RHBDD1: variants seen among roughly 807,000 people sequenced by gnomAD.
The protein encoded by RHBDD1 is rhomboid-related protein 4.
A neutral mutation model predicts 36.3 loss-of-function variants in RHBDD1; 38 were observed. The ratio of observed to expected loss-of-function variants is 1.05; its 90% CI spans 0.81 to 1.37. The LOEUF (loss-of-function observed/expected upper bound fraction) is 1.37, where lower values mean the gene tolerates loss of function less well. RHBDD1 is among the 40% of genes most tolerant of loss of function. RHBDD1 has a pLI of 0.00. For missense variants in RHBDD1, 393 were observed against 377.6 expected, an observed-to-expected ratio of 1.04 and a Z score of -0.34; for synonymous variants, 151 against 136.5, an observed-to-expected ratio of 1.11 and a Z score of -0.74.
At chr2:226,966,634 A>G (rs1490578476) in intron 8 of RHBDD1, among the ~76,000 whole-genome samples, 1 of 152,228 alleles carries the variant, frequency 6.6e-6, no homozygotes, top group Admixed American at 6.5e-5. Context: ...TAATTCATAT[A>G]AATTTAAATA....
intron 5 of RHBDD1, among the ~76,000 whole-genome samples, chr2:226,872,929 A>G (rs190993856): frequency 1.3e-5 from 2 of 152,114 alleles, no homozygotes; most frequent in East Asian, 1.9e-4. Context: ...CATATACTGC[A>G]TTATCATATA....
intron 5 of RHBDD1, among the ~76,000 whole-genome samples, chr2:226,890,838 G>T (rs930191509): frequency 1.3e-5 from 2 of 151,786 alleles, no homozygotes; most frequent in African/African-American, 4.8e-5. Context: ...TTTTTAAAAA[G>T]TAAAAAACCC....
intron 8 of RHBDD1, among the ~76,000 whole-genome samples, chr2:226,992,782 C>T (rs939576904): frequency 1.3e-5 from 2 of 152,144 alleles, no homozygotes; most frequent in Admixed American, 6.5e-5. Flanking sequence ...TGAACACTTG[C>T]GGTGTGAGAA....
At chr2:226,817,990 G>T in the RHBDD1 span, among the ~76,000 whole-genome samples, 1 of 152,042 alleles carries the variant, frequency 6.6e-6, no homozygotes, top group Non-Finnish European at 1.5e-5. Context: ...CATTGTTAAG[G>T]TTATACAAAG....
At chr2:226,902,798 C>T (rs1054969130) in intron 5 of RHBDD1, among the ~76,000 whole-genome samples, 1 of 152,124 alleles carries the variant, frequency 6.6e-6, no homozygotes, top group East Asian at 1.9e-4. Flanking sequence ...TGCCAGCCTC[C>T]CTTCCCTAGA....
chr2:226,866,240 T>G (rs1559210654), intron 4 of RHBDD1, among the ~76,000 whole-genome samples: 1 of 151,978 alleles, frequency 6.6e-6, no homozygotes, highest in Non-Finnish European at 1.5e-5. Flanking sequence ...CCCAGCTAAT[T>G]TTTGTATTTT....
intron 5 of RHBDD1, among the ~76,000 whole-genome samples, chr2:226,904,493 G>A (rs982411493): frequency 1.3e-5 from 2 of 151,536 alleles, no homozygotes; most frequent in African/African-American, 2.4e-5. Context: ...GGGGATGATC[G>A]TGTATGTGGT....
At position 226,997,548 on chromosome 2, in the gene RHBDD1, C is replaced by A. The variant is rs539055465; in HGVS notation, c.*2026C>A. ...ACCCCAAAGGCTCACGATAGGGGCT[C>A]ACTAAATGTCAGTGTTTCACCAAAG... On this transcript the variant is annotated 3_prime_UTR_variant, in exon 9 of 9. Coordinates refer to ENST00000392062, the MANE Select transcript of RHBDD1 (RefSeq NM_001167608.3). 2 of 152,322 alleles carry A rather than the reference C, an allele frequency of 1.3e-5. No individual in the cohort carries two copies. Among genetic ancestry groups the A allele is most frequent in the East Asian group, 3.9e-4 (2 of 5,190 alleles). The allele number at this position is 152,322 out of a possible 1,614,324, so 9.4% of individuals were successfully genotyped here.
chr2:226,951,094 G>A (rs1386347076), intron 8 of RHBDD1, among the ~76,000 whole-genome samples: 2 of 152,088 alleles, frequency 1.3e-5, no homozygotes, highest in Non-Finnish European at 2.9e-5. Context: ...TAGGTTTACA[G>A]TTTCAGGTCT....
chr2:226,952,277 GTT>G (rs1319247446), intron 8 of RHBDD1, among the ~76,000 whole-genome samples: 2 of 132,908 alleles, frequency 1.5e-5, no homozygotes, highest in Non-Finnish European at 3.3e-5. Flanking sequence ...TGTTTTTTTT[GTT>G]TTGTTTTGGT....
At chr2:226,895,682 C>T (rs1947046741) in intron 5 of RHBDD1, 1 of 985,306 alleles carries the variant, frequency 1.0e-6, no homozygotes, top group Non-Finnish European at 1.2e-6. Flanking sequence ...TGAATAGCAA[C>T]ACAGATCCTA....
At chr2:226,983,012 C>T (rs1263972930) in intron 8 of RHBDD1, among the ~76,000 whole-genome samples, 2 of 152,230 alleles carry the variant, frequency 1.3e-5, no homozygotes, top group African/African-American at 2.4e-5. Flanking sequence ...AACTACCAGT[C>T]TTTGACTCAT....
Position 226,914,277 on chromosome 2 carries a change from A to G in RHBDD1, c.782A>G (p.Tyr261Cys), listed in dbSNP as rs1948734560. Reference sequence around the variant, plus strand: ...CACTATGAAGAAGCACCCAGGAACTATGACACGTACACAGCAGGACTGAGT... The same window carrying G: ...CACTATGAAGAAGCACCCAGGAACTGTGACACGTACACAGCAGGACTGAGT... ...PDHYEEAPRN[Y>C]DTYTAGLSEE... Residue 261 changes from tyrosine to cysteine, a missense_variant, in exon 8 of 9, where the codon TAT becomes TGT. By Grantham distance (194) the Tyr-to-Cys change is radical. Coordinates refer to ENST00000392062, the MANE Select transcript of RHBDD1 (RefSeq NM_001167608.3). 6.2e-7 allele frequency: 1 copy of G among 1,613,778 alleles called. No individual in the cohort carries two copies. The highest frequency in any genetic ancestry group is 1.7e-5 in the Admixed American group (1 of 59,966).
intron 8 of RHBDD1, among the ~76,000 whole-genome samples, chr2:226,944,907 T>C (rs988750841): frequency 3.9e-5 from 6 of 152,110 alleles, no homozygotes; most frequent in African/African-American, 1.4e-4. Flanking sequence ...TGAAGGATTT[T>C]CATAGAGGAG....
chr2:226,990,717 C>T (rs909019148), intron 8 of RHBDD1, among the ~76,000 whole-genome samples: 1 of 152,150 alleles, frequency 6.6e-6, no homozygotes, highest in Non-Finnish European at 1.5e-5. Flanking sequence ...AACCACAAAT[C>T]AATAAATTTT....
chr2:226,885,381 A>G (rs574582320), intron 5 of RHBDD1, among the ~76,000 whole-genome samples: 3 of 152,300 alleles, frequency 2.0e-5, no homozygotes, highest in East Asian at 3.9e-4. Flanking sequence ...CAGCATATGT[A>G]TTGTAATGAT....
At chr2:226,867,502 A>C (rs535941900) in intron 5 of RHBDD1, 184 bp downstream of exon 5, 16 of 849,350 alleles carry the variant, frequency 1.9e-5, no homozygotes, top group Non-Finnish European at 2.3e-5. Flanking sequence ...TTCAACTATT[A>C]AGCTGTATAA....
intron 3 of RHBDD1, among the ~76,000 whole-genome samples, chr2:226,861,058 A>T (rs951924725): frequency 2.0e-5 from 3 of 152,248 alleles, no homozygotes; most frequent in Non-Finnish European, 4.4e-5. Flanking sequence ...GAATGGCTGA[A>T]TCATCATTCT....
At chr2:226,802,554 A>G in the RHBDD1 span, among the ~76,000 whole-genome samples, 2 of 152,230 alleles carry the variant, frequency 1.3e-5, no homozygotes, top group Admixed American at 6.5e-5. Flanking sequence ...AATGCTGAGC[A>G]GGTATGGGTA....
Sources: allele counts gnomAD v4.1 joint callset (sites outside exome capture counted in the v4.1 genomes callset), GRCh38; gene constraint gnomAD v4.1.1; transcripts MANE v1.5; gene names NCBI Gene and HGNC (gene_info 2026-07-23, HGNC 2026-07-21).